IAH1: variants seen among roughly 807,000 people sequenced by gnomAD.
IAH1 encodes the protein isoamyl acetate-hydrolyzing esterase 1 homolog.
In IAH1, 24 loss-of-function variants were observed where a neutral mutation model predicts 26.7. The ratio of observed to expected loss-of-function variants is 0.90; its 90% CI spans 0.65 to 1.26. The LOEUF is 1.26. IAH1 is among the 50% of genes most tolerant of loss of function. The probability of loss-of-function intolerance (pLI) is 0.00; values close to 1 mark genes in which losing one functional copy is unlikely to be tolerated. For missense variants in IAH1, 300 were observed against 299.9 expected, an observed-to-expected ratio of 1.00 and a Z score of 0.00; for synonymous variants, 140 against 118.5, an observed-to-expected ratio of 1.18 and a Z score of -1.18.
downstream of IAH1, among the ~76,000 whole-genome samples, chr2:9,490,765 C>T (rs1194989191): frequency 6.6e-6 from 1 of 152,190 alleles, no homozygotes; most frequent in Non-Finnish European, 1.5e-5. Flanking sequence ...TGAAAACTTA[C>T]TTACCATTTG....
intron 4 of IAH1, among the ~76,000 whole-genome samples, chr2:9,483,831 C>T (rs888316645): frequency 1.3e-5 from 2 of 152,162 alleles, no homozygotes; most frequent in Non-Finnish European, 2.9e-5. Context: ...TTAATCCTGC[C>T]AATATTCCTG....
At chr2:9,497,376 G>A (rs1235543151), downstream of IAH1, 1 of 1,193,174 alleles carries the variant, frequency 8.4e-7, no homozygotes, top group African/African-American at 1.5e-5. Context: ...GACCTACAGA[G>A]CTAGGACAAG....
At chr2:9,493,017 G>A (rs1213777784), downstream of IAH1, 4 of 1,541,008 alleles carry the variant, frequency 2.6e-6, no homozygotes, top group Non-Finnish European at 1.8e-6. Context: ...TTAATGTCTT[G>A]ACCAAGTACT....
downstream of IAH1, chr2:9,494,573 A>T (rs143924169): frequency 6.0e-4 from 946 of 1,583,318 alleles, 4 homozygotes; most frequent in African/African-American, 0.011. Flanking sequence ...TGCAAAATCA[A>T]GTACTTACAA....
chr2:9,476,640 G>C (rs1660809703), intron 2 of IAH1, among the ~76,000 whole-genome samples: 1 of 152,178 alleles, frequency 6.6e-6, no homozygotes, highest in Non-Finnish European at 1.5e-5. Context: ...GAAAATTACA[G>C]TTAAAGGTGG....
chr2:9,475,090 G>C, intron 1 of IAH1: 1 of 1,241,322 alleles, frequency 8.1e-7, no homozygotes, highest in Non-Finnish European at 1.0e-6. Flanking sequence ...CATTCCCTGC[G>C]GGCACAGGTG....
intron 2 of IAH1, 23 bp downstream of exon 2, chr2:9,476,062 G>C: frequency 6.3e-7 from 1 of 1,593,212 alleles, no homozygotes; most frequent in African/African-American, 1.3e-5. Flanking sequence ...TCCGATACTT[G>C]AGTTCTTATG....
At chr2:9,491,652 A>G (rs897165760), downstream of IAH1, among the ~76,000 whole-genome samples, 2 of 152,160 alleles carry the variant, frequency 1.3e-5, no homozygotes, top group Non-Finnish European at 2.9e-5. Context: ...CTGGGCCTCA[A>G]TCCCTACATC....
the IAH1 span, chr2:9,509,970 C>G: frequency 6.2e-7 from 1 of 1,613,558 alleles, no homozygotes; most frequent in East Asian, 2.2e-5. Context: ...ATTCTCGACA[C>G]ACACATACCT....
chr2:9,494,686 A>T, downstream of IAH1: 1 of 1,614,086 alleles, frequency 6.2e-7, no homozygotes, highest in Non-Finnish European at 8.5e-7. Flanking sequence ...CCTCAAAAAT[A>T]AGTTCTTTTG....
rs896406358 is a variant in IAH1, at chr2:9,494,906, A to G, written c.*222+46A>G. ...TTTATTTAAATAGCTAATACTATCC[A>G]TAGCCCCCACCAAGGAGTAGTTTCT... On this transcript the variant is annotated intron_variant, in intron 6 of 6. Transcript: ENST00000481367. 31 of 1,017,596 alleles carry G rather than the reference A, an allele frequency of 3.0e-5. No homozygotes were observed. The East Asian group carries it at 8.6e-4, about 28-fold the overall frequency. 63.0% of individuals were successfully genotyped at this position (1,017,596 alleles called of 1,614,324 possible). A position where few individuals can be genotyped will look rare whatever the true frequency, so the allele number is the denominator to read the frequency against.
downstream of IAH1, chr2:9,494,604 C>G (rs764604434): frequency 8.7e-6 from 14 of 1,607,598 alleles, no homozygotes; most frequent in Non-Finnish European, 1.2e-5. Flanking sequence ...TCCTATCTGG[C>G]TGTTACAGAA....
chr2:9,496,128 C>CTTAT (rs947100352), intron 6 of IAH1, among the ~76,000 whole-genome samples: 2 of 151,526 alleles, frequency 1.3e-5, no homozygotes, highest in African/African-American at 2.4e-5. Context: ...TTATTTTTTA[C>CTTAT]TTATTTATTT....
chr2:9,477,180 C>G (rs35584910), intron 2 of IAH1, among the ~76,000 whole-genome samples: 4 of 152,186 alleles, frequency 2.6e-5, no homozygotes, highest in Non-Finnish European at 4.4e-5. Context: ...TAAATGCCAC[C>G]TGAGAACTTT....
downstream of IAH1, among the ~76,000 whole-genome samples, chr2:9,500,773 A>C (rs563684481): frequency 2.6e-5 from 4 of 152,344 alleles, no homozygotes; most frequent in Admixed American, 2.0e-4. Context: ...AAAGATGTAG[A>C]GATATGTCCG....
chr2:9,502,642 C>T, the IAH1 span, among the ~76,000 whole-genome samples: 22 of 152,038 alleles, frequency 1.4e-4, no homozygotes, highest in East Asian at 2.9e-3. Context: ...TTTGGGAGGC[C>T]GAGGTGGGTG....
In IAH1 at chr2:9,474,596, G is replaced by A; in HGVS notation, c.30G>A (p.Gly10=). 1 of 1,544,806 alleles carries A rather than the reference G, an allele frequency of 6.5e-7. No individual in the cohort carries two copies. The highest frequency in any genetic ancestry group is 8.7e-7 in the Non-Finnish European group (1 of 1,151,228). The change falls in exon 1 of 6, where the codon GGG becomes GGA. Residue 10 remains glycine (G), a synonymous_variant. Coordinates refer to ENST00000497473, the MANE Select transcript of IAH1 (RefSeq NM_001039613.3). The surrounding 1 kb of genome is among the most constrained non-coding windows in gnomAD (Gnocchi z 4.3). The part of the protein sequence containing the change: MALCEAAGC[G]SALLWPRLLL... ...CGCTGTGCGAGGCCGCGGGCTGCGG[G>A]AGTGCCCTGCTCTGGCCTCGCTTGT...
chr2:9,504,196 C>T, the IAH1 span, among the ~76,000 whole-genome samples: 1 of 152,006 alleles, frequency 6.6e-6, no homozygotes, highest in African/African-American at 2.4e-5. Context: ...TCTGTAATCC[C>T]AGCACTTTGG....
chr2:9,498,087 G>C (rs1425014073), downstream of IAH1, among the ~76,000 whole-genome samples: 1 of 152,074 alleles, frequency 6.6e-6, no homozygotes, highest in East Asian at 1.9e-4. Context: ...TGGAAGGCAG[G>C]GGTGTGATCA....
Sources: gnomAD v4.1 joint callset for allele counts (sites outside exome capture counted in the v4.1 genomes callset) on GRCh38, gnomAD v4.1.1 for gene constraint, Gnocchi (gnomAD v3.1) non-coding constraint, MANE v1.5 for transcripts, NCBI Gene and HGNC (gene_info 2026-07-23, HGNC 2026-07-21) for gene names.